The following THEMIS variants were observed in gnomAD, a reference collection of about 807,000 sequenced individuals.
THEMIS encodes protein THEMIS.
Under a neutral mutation model 52.6 loss-of-function variants are expected in THEMIS, and 37 were observed. That is an observed-to-expected ratio of 0.70 (90% CI 0.54 to 0.93). The LOEUF is 0.93. Ranked by LOEUF, THEMIS falls within the 40% of genes least tolerant of loss-of-function variation. THEMIS has a pLI of 0.00. For missense variants in THEMIS, 808 were observed against 763.1 expected, an observed-to-expected ratio of 1.06 and a Z score of -0.69; for synonymous variants, 292 against 272.7, an observed-to-expected ratio of 1.07 and a Z score of -0.70.
intron 1 of THEMIS, among the ~76,000 whole-genome samples, chr6:127,914,640 C>CA (rs1405116135): frequency 8.5e-5 from 13 of 152,274 alleles, no homozygotes; most frequent in African/African-American, 3.1e-4. Context: ...GAAAAAGGCA[C>CA]AGTGTAAACA....
At chr6:127,756,849 CT>C (rs1199905369) in intron 4 of THEMIS, among the ~76,000 whole-genome samples, 1 of 152,104 alleles carries the variant, frequency 6.6e-6, no homozygotes, top group South Asian at 2.1e-4. Context: ...AAATGGACAA[CT>C]TATGACTTTT....
At position 127,855,070 on chromosome 6, in the gene THEMIS, A is replaced by G; in HGVS notation, c.210T>C (p.Cys70=). ...IAEICEQIEG[C]ESLQPFELPM... ...GCAGTTCAAATGGCTGTAGAGACTCACAACCTTCAATCTGCTCACAAATTT... is the reference window on the plus strand; with the variant it reads ...GCAGTTCAAATGGCTGTAGAGACTCGCAACCTTCAATCTGCTCACAAATTT... The change falls in exon 2 of 6, where the codon TGT becomes TGC. Residue 70 remains cysteine, a synonymous_variant. Coordinates refer to ENST00000368248, the MANE Select transcript of THEMIS (RefSeq NM_001010923.3). 1 of 1,610,912 alleles carries G rather than the reference A, an allele frequency of 6.2e-7. No homozygotes were observed. Among genetic ancestry groups the G allele is most frequent in the Non-Finnish European group, 8.5e-7 (1 of 1,178,352 alleles).
At chr6:127,807,079 T>C (rs1777737180) in intron 4 of THEMIS, 1 of 155,118 alleles carries the variant, frequency 6.4e-6, no homozygotes, top group African/African-American at 2.4e-5. Context: ...AATGCTAACA[T>C]TGGCTAGGTG....
intron 3 of THEMIS, among the ~76,000 whole-genome samples, chr6:127,815,572 A>G (rs1040341386): frequency 6.6e-6 from 1 of 152,188 alleles, no homozygotes; most frequent in Non-Finnish European, 1.5e-5. Context: ...GCAAAATTGT[A>G]AAGATTTTTA....
chr6:127,899,750 G>A (rs1781079063), intron 1 of THEMIS, among the ~76,000 whole-genome samples: 1 of 151,386 alleles, frequency 6.6e-6, no homozygotes, highest in Admixed American at 6.6e-5. Flanking sequence ...ATTTGGGGCT[G>A]GCTTAGAAAT....
Position 127,790,481 on chromosome 6 carries a change from G to A in THEMIS, c.1758+22402C>T, listed in dbSNP as rs189068142. On this transcript the variant is annotated intron_variant, in intron 4 of 5. Transcript: ENST00000368248. ...ACAAGAAAATTAAATTATCTTTTAT[G>A]TGAGGTCATCTTAATTTTCTTTTGA... 1.2e-4 allele frequency among the ~76,000 whole-genome samples: 18 copies of A among 152,248 alleles called. No homozygotes were observed. In the East Asian group the frequency reaches 3.3e-3, roughly 28 times the overall value.
chr6:127,747,524 A>T (rs1775491842), intron 4 of THEMIS, among the ~76,000 whole-genome samples: 1 of 151,248 alleles, frequency 6.6e-6, no homozygotes, highest in African/African-American at 2.4e-5. Flanking sequence ...AATCAGATTG[A>T]GCAGAGGGAA....
intron 4 of THEMIS, among the ~76,000 whole-genome samples, chr6:127,803,886 A>G (rs1777616494): frequency 6.6e-6 from 1 of 152,194 alleles, no homozygotes; most frequent in South Asian, 2.1e-4. Flanking sequence ...ACTGCTACAG[A>G]ACAGACATAG....
At chr6:127,910,468 AT>A (rs1185247545) in intron 1 of THEMIS, among the ~76,000 whole-genome samples, 1 of 152,154 alleles carries the variant, frequency 6.6e-6, no homozygotes, top group African/African-American at 2.4e-5. Context: ...GTAATTGAAT[AT>A]TTTTATCCAT....
intron 4 of THEMIS, among the ~76,000 whole-genome samples, chr6:127,723,780 C>T (rs1348570855): frequency 6.6e-6 from 1 of 152,006 alleles, no homozygotes; most frequent in African/African-American, 2.4e-5. Context: ...CCTTAGCCAG[C>T]ACCCTATTTT....
intron 1 of THEMIS, among the ~76,000 whole-genome samples, chr6:127,910,705 A>G (rs150777298): frequency 2.8e-4 from 42 of 152,328 alleles, no homozygotes; most frequent in East Asian, 1.5e-3. Context: ...GTATACCCAT[A>G]CAAACACCTG....
chr6:127,765,736 A>G (rs9375534), intron 4 of THEMIS, among the ~76,000 whole-genome samples: 13,677 of 152,108 alleles, frequency 0.09, 1,099 homozygotes, highest in East Asian at 0.36. Flanking sequence ...TATTCAGTAC[A>G]ATAACATAAT....
At chr6:127,914,211 T>C (rs537442690) in intron 1 of THEMIS, among the ~76,000 whole-genome samples, 2 of 152,208 alleles carry the variant, frequency 1.3e-5, no homozygotes, top group Non-Finnish European at 2.9e-5. Context: ...GTTGTCATGT[T>C]GGTGCTCAAA....
At chr6:127,878,278 C>T (rs929563974) in intron 1 of THEMIS, among the ~76,000 whole-genome samples, 2 of 152,118 alleles carry the variant, frequency 1.3e-5, no homozygotes, top group African/African-American at 4.8e-5. Context: ...TGATTCAAAA[C>T]AGTTTTGTTA....
rs189267841 is a variant in THEMIS at position 127,805,599 on chromosome 6, G to A, written c.1758+7284C>T. ...TGGGAAAAAATACTGATTTTTGGAA[G>A]CCTATTTTATTGCATTCTTTCATAG... On this transcript the variant is annotated intron_variant, in intron 4 of 5. Coordinates refer to ENST00000368248, the MANE Select transcript of THEMIS (RefSeq NM_001010923.3). Among the ~76,000 whole-genome samples, 113 of 151,988 alleles carry A rather than the reference G, an allele frequency of 7.4e-4. 1 individual carries two copies. The South Asian group carries it at 0.01, about 14-fold the overall frequency.
In THEMIS at chr6:127,847,676, T is replaced by C. The variant is rs533272669; in HGVS notation, c.250+7354A>G. 1.8e-4 allele frequency among the ~76,000 whole-genome samples: 27 copies of C among 151,996 alleles called. No homozygotes were observed. In the South Asian group the frequency reaches 5.4e-3, roughly 30 times the overall value. ...AAACAAATGGAAACACATCCCATGCTCACAGATGGGAAGAGTCAATATTGT... is the reference window on the plus strand; with the variant it reads ...AAACAAATGGAAACACATCCCATGCCCACAGATGGGAAGAGTCAATATTGT... On this transcript the variant is annotated intron_variant, in intron 2 of 5. Transcript: ENST00000368248.
intron 3 of THEMIS, among the ~76,000 whole-genome samples, chr6:127,824,601 A>G (rs1778442320): frequency 1.3e-5 from 2 of 152,124 alleles, no homozygotes; most frequent in Non-Finnish European, 2.9e-5. Context: ...CAAAACTTAA[A>G]AAAAAAAGAA....
At chr6:127,821,173 TGAGA>T (rs34348403) in intron 3 of THEMIS, among the ~76,000 whole-genome samples, 3,320 of 149,374 alleles carry the variant, frequency 0.022, 38 homozygotes, top group Non-Finnish European at 0.032. Flanking sequence ...TCTGTGTGTG[TGAGA>T]GAGAGAGAGA....
chr6:127,759,348 C>T (rs1398323612), intron 4 of THEMIS, among the ~76,000 whole-genome samples: 4 of 152,130 alleles, frequency 2.6e-5, no homozygotes, highest in African/African-American at 9.7e-5. Flanking sequence ...AAATATACAT[C>T]TCTGACTGTA....
Sources: allele counts gnomAD v4.1 joint callset (sites outside exome capture counted in the v4.1 genomes callset), GRCh38; gene constraint gnomAD v4.1.1; transcripts MANE v1.5; gene names NCBI Gene and HGNC (gene_info 2026-07-23, HGNC 2026-07-21).